The following TFAP2A variants were observed in gnomAD, a reference collection of about 807,000 sequenced individuals.
The protein encoded by TFAP2A is transcription factor AP-2 alpha.
In TFAP2A, 7 loss-of-function variants were observed where a neutral mutation model predicts 41.5. That is an observed-to-expected ratio of 0.17 (90% CI 0.10 to 0.32). The LOEUF (loss-of-function observed/expected upper bound fraction) is 0.32. TFAP2A is among the 10% of genes least tolerant of loss of function. The pLI, the probability that TFAP2A is intolerant of heterozygous loss-of-function variation, is 1.00. For missense variants in TFAP2A, 416 were observed against 563.3 expected, an observed-to-expected ratio of 0.74 and a Z score of 2.65; for synonymous variants, 247 against 242.8, an observed-to-expected ratio of 1.02 and a Z score of -0.16.
At chr6:10,412,145 G>C (rs1007731514) in intron 1 of TFAP2A, 17 of 991,140 alleles carry the variant, frequency 1.7e-5, no homozygotes, top group South Asian at 9.3e-5. Context: ...GTCCATTGAC[G>C]GGAGTCTCAG....
Position 10,404,578 on chromosome 6 carries a change from C to T in TFAP2A, c.700G>A (p.Ala234Thr), listed in dbSNP as rs1757611000. 1.2e-6 allele frequency: 2 copies of T among 1,614,002 alleles called. No individual in the cohort carries two copies. The highest frequency in any genetic ancestry group is 1.7e-6 in the Non-Finnish European group (2 of 1,180,014). The change falls in exon 4 of 7, where the codon GCG (alanine) becomes ACG (threonine). Residue 234 changes from alanine (A) to threonine (T), a missense_variant. By Grantham distance (58) the Ala-to-Thr change is moderately conservative (BLOSUM62 0). This residue lies in a region of TFAP2A where 59 missense variants were observed against 135.4 expected (regional missense o/e 0.44). Transcript: ENST00000379613. ...GGTGAGAGCCGCCGCTGCACTTCCGCCACCGTGACCTTGTACTTCGAGGTG... is the reference window on the plus strand; with the variant it reads ...GGTGAGAGCCGCCGCTGCACTTCCGTCACCGTGACCTTGTACTTCGAGGTG... Reference protein sequence around the residue: ...SSTSKYKVTVAEVQRRLSPPE... With the variant: ...SSTSKYKVTVTEVQRRLSPPE...
intron 1 of TFAP2A, among the ~76,000 whole-genome samples, chr6:10,413,041 C>T (rs1160731144): frequency 6.6e-6 from 1 of 152,182 alleles, no homozygotes. Context: ...CTGGGCCACT[C>T]CCGCCTGACG....
At position 10,411,507 on chromosome 6, in the gene TFAP2A, G is replaced by T. The variant is rs1282980470; in HGVS notation, c.52-1172C>A. 6 of 1,613,186 alleles carry T rather than the reference G, an allele frequency of 3.7e-6. No individual in the cohort carries two copies. The Admixed American group carries it at 8.3e-5, about 22-fold the overall frequency. On this transcript the variant is annotated intron_variant, in intron 1 of 6. Coordinates refer to ENST00000379613, the MANE Select transcript of TFAP2A (RefSeq NM_001372066.1). Reference sequence around the variant, plus strand: ...AACCCGAGGTTTCGGGCAGCTCCACGGCACCAGGTTTCCAGAATCCAATTC... The same window carrying T: ...AACCCGAGGTTTCGGGCAGCTCCACTGCACCAGGTTTCCAGAATCCAATTC...
At chr6:10,399,924 CTGTGTGTGTGTG>C (rs58533284) in intron 6 of TFAP2A, among the ~76,000 whole-genome samples, 3 of 148,922 alleles carry the variant, frequency 2.0e-5, no homozygotes, top group Admixed American at 2.0e-4. Context: ...CTCTCTCTGT[CTGTGTGTGTGTG>C]TGTGTGTGTC....
intron 5 of TFAP2A, among the ~76,000 whole-genome samples, chr6:10,401,687 G>A (rs962904589): frequency 6.6e-6 from 1 of 151,942 alleles, no homozygotes; most frequent in Non-Finnish European, 1.5e-5. Flanking sequence ...TTCCCTGTTA[G>A]CATGAGATAT....
chr6:10,417,426 C>A (rs1758287374), upstream of TFAP2A, among the ~76,000 whole-genome samples: 1 of 152,208 alleles, frequency 6.6e-6, no homozygotes, highest in African/African-American at 2.4e-5. Flanking sequence ...AAGGCCCGGG[C>A]GAGCGCCAGG....
In TFAP2A at chr6:10,397,042, A is replaced by C. The variant is rs1478303478; in HGVS notation, c.*1375T>G. The C allele has an allele frequency of 6.6e-6, 1 of 152,596 alleles. No individual in the cohort carries two copies. Among genetic ancestry groups the C allele is most frequent in the Non-Finnish European group, 1.5e-5 (1 of 68,044 alleles). The allele number at this position is 152,596 out of a possible 1,614,324, so 9.5% of individuals were successfully genotyped here. A position where few individuals can be genotyped will look rare whatever the true frequency, so the allele number is the denominator to read the frequency against. On this transcript the variant is annotated 3_prime_UTR_variant, in exon 7 of 7. Transcript: ENST00000379613. ...ACAGCCACTGAATAAAAAAAAATCG[A>C]CATAAAGCGTATCAAATATTTATTT... is the stretch of plus-strand genomic sequence containing the variant.
chr6:10,402,192 C>G (rs973035289), intron 5 of TFAP2A: 11 of 436,904 alleles, frequency 2.5e-5, no homozygotes, highest in Non-Finnish European at 3.9e-5. Context: ...ACTGCTGAGC[C>G]CTTTAAAGGA....
chr6:10,410,359 T>C, intron 1 of TFAP2A, 24 bp from the exon 2 acceptor site: 1 of 1,594,128 alleles, frequency 6.3e-7, no homozygotes. Context: ...AGAGGAAAGG[T>C]AAAGAACAAG....
intron 4 of TFAP2A, 153 bp downstream of exon 4, chr6:10,404,353 ACT>A: frequency 5.7e-6 from 1 of 175,864 alleles, no homozygotes; most frequent in Non-Finnish European, 1.1e-5. Context: ...GATCCCGCCC[ACT>A]TGGCTCTACG....
At chr6:10,416,535 C>G (rs1758251573), upstream of TFAP2A, 1 of 152,142 alleles carries the variant, frequency 6.6e-6, no homozygotes, top group Non-Finnish European at 1.5e-5. Flanking sequence ...TTACCTCTGT[C>G]TTTTCTCTCT....
intron 4 of TFAP2A, among the ~76,000 whole-genome samples, chr6:10,403,826 C>T (rs1757537961): frequency 6.6e-6 from 1 of 152,170 alleles, no homozygotes; most frequent in Admixed American, 6.5e-5. Context: ...AGATGCATTC[C>T]TTGGTAGTGA....
chr6:10,404,788 C>G lies in TFAP2A; in HGVS notation c.539-49G>C, dbSNP rs776516420. On this transcript the variant is annotated intron_variant, in intron 3 of 6. Transcript: ENST00000379613. ...CGTGTTGGGCGTCGTGGATCACCCC[C>G]AAATCCTGCCCGACCCCGGCCCTCA... 1.2e-5 allele frequency: 18 copies of G among 1,547,560 alleles called. No individual in the cohort carries two copies. In the African/African-American group the frequency reaches 1.3e-4, roughly 11 times the overall value.
rs1035981247 is a variant in TFAP2A, at chr6:10,411,653, G to A, written c.52-1318C>T. The A allele has an allele frequency of 1.2e-4, 193 of 1,611,378 alleles. 1 individual carries two copies. Among genetic ancestry groups the A allele is most frequent in the Non-Finnish European group, 4.1e-5 (48 of 1,178,936 alleles). On this transcript the variant is annotated intron_variant, in intron 1 of 6. Transcript: ENST00000379613. ...GGAAAAAAACAAGCAAGCCTGGAGC[G>A]CCCGGCTGCCCCGCCGCCCGAGCGC... is the stretch of plus-strand genomic sequence containing the variant.
upstream of TFAP2A, chr6:10,419,308 C>G: frequency 7.5e-7 from 1 of 1,337,542 alleles, no homozygotes; most frequent in Middle Eastern, 2.4e-4. Flanking sequence ...GCCTCACCTA[C>G]GACTCCCCTG....
intron 1 of TFAP2A, chr6:10,411,497 GC>G: frequency 6.2e-7 from 1 of 1,611,368 alleles, no homozygotes; most frequent in Admixed American, 1.7e-5. Flanking sequence ...GAGGTTTCGG[GC>G]AGCTCCACGG....
chr6:10,412,709 C>G (rs1758048113), intron 1 of TFAP2A: 2 of 324,578 alleles, frequency 6.2e-6, no homozygotes, highest in South Asian at 4.3e-5. Context: ...CCTGTCTGGC[C>G]GCGGGCTCCG....
intron 5 of TFAP2A, among the ~76,000 whole-genome samples, chr6:10,401,678 TC>T (rs1262710410): frequency 6.6e-6 from 1 of 152,236 alleles, no homozygotes; most frequent in Non-Finnish European, 1.5e-5. Context: ...AACTTTTTTT[TC>T]CCTGTTAGCA....
rs1013604340 is a variant in TFAP2A, at chr6:10,397,105, T to C, written c.*1312A>G. The stretch of plus-strand genomic sequence containing the variant: ...AAGGACTATGATACATTGACAGGCA[T>C]GGAAACTACTGCCAGCACAACTCAA... On this transcript the variant is annotated 3_prime_UTR_variant, in exon 7 of 7. Coordinates refer to ENST00000379613, the MANE Select transcript of TFAP2A (RefSeq NM_001372066.1). 6.6e-6 allele frequency: 1 copy of C among 152,260 alleles called. No individual in the cohort carries two copies. The highest frequency in any genetic ancestry group is 2.4e-5 in the African/African-American group (1 of 41,420). 9.4% of individuals were successfully genotyped at this position (152,260 alleles called of 1,614,324 possible).
Sources: gnomAD v4.1 joint callset for allele counts (sites outside exome capture counted in the v4.1 genomes callset) on GRCh38, gnomAD v4.1.1 for gene constraint, gnomAD v4.1.1 regional missense constraint, MANE v1.5 for transcripts, NCBI Gene and HGNC (gene_info 2026-07-23, HGNC 2026-07-21) for gene names.